BNC2: variants seen among roughly 807,000 people sequenced by gnomAD.
The protein encoded by BNC2 is basonuclin zinc finger protein 2.
A neutral mutation model predicts 76.3 loss-of-function variants in BNC2; 20 were observed. The ratio of observed to expected loss-of-function variants is 0.26; its 90% confidence interval spans 0.18 to 0.38. The LOEUF (loss-of-function observed/expected upper bound fraction) is 0.38, where lower values mean the gene tolerates loss of function less well. Ranked by LOEUF, BNC2 falls within the 10% of genes least tolerant of loss-of-function variation. BNC2 has a pLI of 1.00. For missense variants in BNC2, 1,382 were observed against 1,399.8 expected, an observed-to-expected ratio of 0.99 and a Z score of 0.20; for synonymous variants, 582 against 514.8, an observed-to-expected ratio of 1.13 and a Z score of -1.77.
chr9:16,517,843 G>C (rs964786760), intron 5 of BNC2, among the ~76,000 whole-genome samples: 1 of 152,066 alleles, frequency 6.6e-6, no homozygotes, highest in Non-Finnish European at 1.5e-5. Context: ...ATAGGGTCCT[G>C]AGTTTTCTAA....
At chr9:16,615,321 T>A in intron 3 of BNC2, among the ~76,000 whole-genome samples, 1 of 152,132 alleles carries the variant, frequency 6.6e-6, no homozygotes, top group Admixed American at 6.6e-5. Flanking sequence ...GCTCAGGACA[T>A]GCTACCCCAA....
chr9:16,838,557 G>C (rs568282497), intron 1 of BNC2, among the ~76,000 whole-genome samples: 1 of 152,216 alleles, frequency 6.6e-6, no homozygotes, highest in South Asian at 2.1e-4. Context: ...GCGAAACTCC[G>C]TGTTAAAAAA....
rs746144036 is a variant in BNC2 at position 16,418,179 on chromosome 9, C to G, written c.*810G>C. 6.6e-6 allele frequency: 1 copy of G among 152,562 alleles called. No individual in the cohort carries two copies. Among genetic ancestry groups the G allele is most frequent in the African/African-American group, 2.4e-5 (1 of 41,412 alleles). The allele number at this position is 152,562 out of a possible 1,614,324, so 9.5% of individuals were successfully genotyped here. On this transcript the variant is annotated 3_prime_UTR_variant, in exon 7 of 7. Transcript: ENST00000380672. ...GTAGTGTATGAAAAAAAGTGCATGA[C>G]GGGATTTATGTACTAGTACAGGACA...
chr9:16,763,577 C>CA (rs199834154), intron 1 of BNC2, among the ~76,000 whole-genome samples: 2,651 of 149,420 alleles, frequency 0.018, 72 homozygotes, highest in African/African-American at 0.058. Flanking sequence ...CTCAAAAAAA[C>CA]AAAAAAAAAC....
At chr9:16,651,322 C>T (rs1283561794) in intron 3 of BNC2, among the ~76,000 whole-genome samples, 1 of 152,144 alleles carries the variant, frequency 6.6e-6, no homozygotes, top group African/African-American at 2.4e-5. Flanking sequence ...CTTAAAAAGC[C>T]TATCATCTTA....
At chr9:16,829,455 C>T (rs1310816237) in intron 1 of BNC2, among the ~76,000 whole-genome samples, 5 of 152,018 alleles carry the variant, frequency 3.3e-5, no homozygotes, top group Admixed American at 2.0e-4. Context: ...GGTGGTGTTC[C>T]GCAGACTTTC....
At chr9:16,503,730 T>A (rs540161427) in intron 5 of BNC2, among the ~76,000 whole-genome samples, 83 of 152,318 alleles carry the variant, frequency 5.4e-4, no homozygotes, top group African/African-American at 2.0e-3. Context: ...TACTCAAGTT[T>A]TTCTTTGTCA....
chr9:16,590,903 C>A (rs184328877), intron 3 of BNC2, among the ~76,000 whole-genome samples: 24 of 152,160 alleles, frequency 1.6e-4, no homozygotes, highest in African/African-American at 5.5e-4. Flanking sequence ...TCCAGGATTG[C>A]CATAGAATAC....
chr9:16,803,824 T>C (rs1384066233), intron 1 of BNC2, among the ~76,000 whole-genome samples: 5 of 152,246 alleles, frequency 3.3e-5, no homozygotes, highest in African/African-American at 4.8e-5. Context: ...GCAAATGTCA[T>C]GTGTCCGCTT....
intron 1 of BNC2, among the ~76,000 whole-genome samples, chr9:16,782,637 G>C (rs1826185453): frequency 6.6e-6 from 1 of 152,092 alleles, no homozygotes; most frequent in South Asian, 2.1e-4. Flanking sequence ...CTTCCTCCAG[G>C]AAGACTTTGG....
chr9:16,643,594 C>G (rs941153977), intron 3 of BNC2, among the ~76,000 whole-genome samples: 1 of 152,034 alleles, frequency 6.6e-6, no homozygotes, highest in Non-Finnish European at 1.5e-5. Context: ...CATATATGAT[C>G]TTAGGTCCCT....
chr9:16,796,709 G>T (rs909525196), intron 1 of BNC2, among the ~76,000 whole-genome samples: 2 of 152,130 alleles, frequency 1.3e-5, no homozygotes, highest in East Asian at 3.9e-4. Context: ...TTATTCCATA[G>T]AATTCCTGCT....
chr9:16,738,344 A>T lies in BNC2; in HGVS notation c.129+16T>A. 1 of 1,613,674 alleles carries T rather than the reference A, an allele frequency of 6.2e-7. No individual in the cohort carries two copies. The highest frequency in any genetic ancestry group is 8.5e-7 in the Non-Finnish European group (1 of 1,179,724). ...TGTCCAAGTAACTTAAAGGGGGAAA[A>T]AAAAAACCAACATACCTCAATTTGA... is the stretch of plus-strand genomic sequence containing the variant. On this transcript the variant is annotated intron_variant, in intron 2 of 6. Coordinates refer to ENST00000380672, the MANE Select transcript of BNC2 (RefSeq NM_017637.6).
rs534747544 is a variant in BNC2 at position 16,599,383 on chromosome 9, G to T, written c.331-16298C>A. ...CTCTTGCTGCAAGGCAGAGATGGCTGTGAACGGAAGCCTAGGTACAAAAAC... is the reference window on the plus strand; with the variant it reads ...CTCTTGCTGCAAGGCAGAGATGGCTTTGAACGGAAGCCTAGGTACAAAAAC... On this transcript the variant is annotated intron_variant, in intron 3 of 6. Coordinates refer to ENST00000380672, the MANE Select transcript of BNC2 (RefSeq NM_017637.6). Among the ~76,000 whole-genome samples the T allele has an allele frequency of 3.9e-5, 6 of 152,338 alleles. No individual in the cohort carries two copies. In the South Asian group the frequency reaches 1.2e-3, roughly 32 times the overall value.
intron 3 of BNC2, among the ~76,000 whole-genome samples, chr9:16,656,365 G>T (rs573007471): frequency 6.6e-6 from 1 of 152,152 alleles, no homozygotes; most frequent in Non-Finnish European, 1.5e-5. Flanking sequence ...TGTCTCATTC[G>T]ATGCACCAGG....
At chr9:16,568,294 A>C (rs992025615) in intron 4 of BNC2, among the ~76,000 whole-genome samples, 1 of 152,128 alleles carries the variant, frequency 6.6e-6, no homozygotes, top group African/African-American at 2.4e-5. Context: ...GTTAGCGATG[A>C]GATTTTTATT....
intron 5 of BNC2, among the ~76,000 whole-genome samples, chr9:16,538,238 CA>C (rs1346613934): frequency 2.0e-5 from 3 of 152,196 alleles, no homozygotes; most frequent in African/African-American, 7.2e-5. Flanking sequence ...ACTAGACTAT[CA>C]CCTTCTTAAT....
At chr9:16,703,891 A>C (rs1210106359) in intron 3 of BNC2, among the ~76,000 whole-genome samples, 1 of 152,162 alleles carries the variant, frequency 6.6e-6, no homozygotes, top group African/African-American at 2.4e-5. Flanking sequence ...AGTTATTAAA[A>C]TGTGCACACA....
At chr9:16,739,654 A>G (rs944629607) in intron 1 of BNC2, among the ~76,000 whole-genome samples, 5 of 152,206 alleles carry the variant, frequency 3.3e-5, no homozygotes, top group Non-Finnish European at 7.3e-5. Flanking sequence ...CCTGGGCAAC[A>G]AGAGCAAAAC....
Sources: allele counts gnomAD v4.1 joint callset (sites outside exome capture counted in the v4.1 genomes callset), GRCh38; gene constraint gnomAD v4.1.1; transcripts MANE v1.5; gene names NCBI Gene and HGNC (gene_info 2026-07-23, HGNC 2026-07-21).